The following POTEH variants were observed in gnomAD, a reference collection of about 807,000 sequenced individuals.
POTEH encodes the protein POTE ankyrin domain family member H.
A neutral mutation model predicts 41.7 loss-of-function variants in POTEH; 6 were observed. That is an observed-to-expected ratio of 0.14 (90% CI 0.08 to 0.28). The LOEUF is 0.28. Among genes scored for constraint, POTEH ranks in the 10% least tolerant of loss-of-function variants. The pLI, the probability that POTEH is intolerant of heterozygous loss-of-function variation, is 1.00. For synonymous variants in POTEH, 38 were observed against 179.9 expected, an observed-to-expected ratio of 0.21 and a Z score of 6.31; for missense variants, 115 against 533.5, an observed-to-expected ratio of 0.22 and a Z score of 7.73.
intron 1 of POTEH, among the ~76,000 whole-genome samples, chr22:15,691,867 G>A (rs1478191921): frequency 3.4e-5 from 5 of 148,710 alleles, no homozygotes; most frequent in Non-Finnish European, 7.5e-5. Context: ...TTCATTTTTG[G>A]AGAAAACTAG....
rs757124481 is a variant in POTEH at position 15,690,247 on chromosome 22, T to C, written c.170T>C (p.Leu57Pro). 1 of 1,409,020 alleles carries C rather than the reference T, an allele frequency of 7.1e-7. No individual in the cohort carries two copies. Among genetic ancestry groups the C allele is most frequent in the Non-Finnish European group, 9.8e-7 (1 of 1,020,364 alleles). The allele number at this position is 1,409,020 out of a possible 1,614,324, so 87.3% of individuals were successfully genotyped here. Residue 57 changes from leucine (L) to proline (P), a missense_variant, in exon 1 of 11, where the codon CTC becomes CCC. By Grantham distance (98) the Leu-to-Pro change is moderately conservative (BLOSUM62 -3). Coordinates refer to ENST00000343518, the MANE Select transcript of POTEH (RefSeq NM_001136213.1). ...CACGACGATTCTGCTATGAAGACAC[T>C]CAGGAGCAAGATGGGCAAGTGGTGC... ...GDHDDSAMKT[L>P]RSKMGKWCCH...
chr22:15,694,229 G>GT lies in POTEH; in HGVS notation c.633-1141dup, dbSNP rs1295144297. ...AAGAAGCAGGAAATAGAATGAACGG[G>GT]TACTGGGCTTAACACCTGGGTAATG... On this transcript the variant is annotated intron_variant, in intron 1 of 10. Transcript: ENST00000343518. Among the ~76,000 whole-genome samples, 4 of 81,740 alleles carry GT rather than the reference G, an allele frequency of 4.9e-5. 2 individuals carry two copies. The highest frequency in any genetic ancestry group is 3.0e-4 in the Admixed American group (2 of 6,614). The allele number at this position is 81,740 out of a possible 152,430, so 53.6% of individuals were successfully genotyped here.
rs201322170 is a variant in POTEH at position 15,690,174 on chromosome 22, G to T, written c.97G>T (p.Ala33Ser). The T allele has an allele frequency of 9.2e-6, 12 of 1,307,902 alleles. 1 individual carries two copies. The African/African-American group carries it at 1.3e-4, about 14-fold the overall frequency. 81.0% of individuals were successfully genotyped at this position (1,307,902 alleles called of 1,614,324 possible). ...GGGCAAGTGGTGCCGCCACTGCTTC[G>T]CCTGGTGCAGGGGGAGCGGCAAGAG... ...KMGKWCRHCF[A>S]WCRGSGKSNV... Residue 33 changes from alanine to serine, a missense_variant, in exon 1 of 11, where the codon GCC (alanine) becomes TCC (serine). Coordinates refer to ENST00000343518, the MANE Select transcript of POTEH (RefSeq NM_001136213.1).
Position 15,690,416 on chromosome 22 carries a change from C to G in POTEH, c.339C>G (p.Gly113=). 1 of 1,405,754 alleles carries G rather than the reference C, an allele frequency of 7.1e-7. No individual in the cohort carries two copies. Among genetic ancestry groups the G allele is most frequent in the Non-Finnish European group, 9.8e-7 (1 of 1,023,300 alleles). 87.1% of individuals were successfully genotyped at this position (1,405,754 alleles called of 1,614,324 possible). A position where few individuals can be genotyped will look rare whatever the true frequency, so the allele number is the denominator to read the frequency against. The stretch of plus-strand genomic sequence containing the variant: ...GCTTCCCCTGCTGCAGGGGGAGCGG[C>G]AAGAGCAACGTGGGCACTTCTGGAG... The part of the protein sequence containing the change: ...CHCFPCCRGS[G]KSNVGTSGDH... Residue 113 remains glycine (G), a synonymous_variant, in exon 1 of 11, where the codon GGC becomes GGG. Transcript: ENST00000343518.
At chr22:15,691,393 G>A (rs1466219775) in intron 1 of POTEH, among the ~76,000 whole-genome samples, 2 of 126,206 alleles carry the variant, frequency 1.6e-5, no homozygotes, top group Non-Finnish European at 3.6e-5. Context: ...GGACGCGGTG[G>A]CAGGCACCTG....
At chr22:15,713,504 A>AT (rs67813451) in intron 9 of POTEH, among the ~76,000 whole-genome samples, 5,453 of 75,876 alleles carry the variant, frequency 0.072, 1 homozygote, top group African/African-American at 0.13. Context: ...TTCTCATGAC[A>AT]TTTTTTTTTT....
intron 10 of POTEH, 85 bp downstream of exon 10, chr22:15,719,863 CAT>C (rs1200891780): frequency 8.6e-6 from 2 of 231,650 alleles, no homozygotes; most frequent in South Asian, 3.2e-5. Context: ...ATTTTTAAGT[CAT>C]ATATATGTGT....
chr22:15,705,353 C>CTGTGT (rs1989643572), intron 6 of POTEH, among the ~76,000 whole-genome samples: 2 of 14,298 alleles, frequency 1.4e-4, no homozygotes, highest in Non-Finnish European at 2.5e-4. Flanking sequence ...ATATGTTGGC[C>CTGTGT]TTTTTTTTTT....
At chr22:15,714,104 C>A (rs1478763254) in intron 9 of POTEH, among the ~76,000 whole-genome samples, 2 of 151,438 alleles carry the variant, frequency 1.3e-5, no homozygotes, top group African/African-American at 4.9e-5. Flanking sequence ...CTAGACTCAT[C>A]TTTCTCTCTC....
chr22:15,708,695 C>T (rs1989735687), intron 7 of POTEH, among the ~76,000 whole-genome samples: 1 of 122,452 alleles, frequency 8.2e-6, no homozygotes, highest in South Asian at 3.1e-4. Flanking sequence ...TATCTGCCTT[C>T]TTGATTAGCT....
At chr22:15,691,985 C>CAT (rs142856307) in intron 1 of POTEH, among the ~76,000 whole-genome samples, 3,500 of 124,038 alleles carry the variant, frequency 0.028, 150 homozygotes, top group East Asian at 0.044. Context: ...TATGCAGATA[C>CAT]ATATATATAT....
chr22:15,712,580 G>T (rs1311067182), intron 9 of POTEH, among the ~76,000 whole-genome samples: 2 of 23,084 alleles, frequency 8.7e-5, no homozygotes, highest in Non-Finnish European at 1.7e-4. Flanking sequence ...ACTCTTATAT[G>T]TAAAAGTGTC....
chr22:15,708,184 T>C lies in POTEH; in HGVS notation c.1308+94T>C, dbSNP rs988368. 619 of 402,258 alleles carry C rather than the reference T, an allele frequency of 1.5e-3. 51 individuals are homozygous for C. In the East Asian group the frequency reaches 0.023, roughly 15 times the overall value. The allele number at this position is 402,258 out of a possible 1,614,324, so 24.9% of individuals were successfully genotyped here. ...TATTAGATAGTCCAAATGAAATTACTTTTGAGACTAGGCTTTGAGAATCAA... is the reference window on the plus strand; with the variant it reads ...TATTAGATAGTCCAAATGAAATTACCTTTGAGACTAGGCTTTGAGAATCAA... On this transcript the variant is annotated intron_variant, in intron 7 of 10. Coordinates refer to ENST00000343518, the MANE Select transcript of POTEH (RefSeq NM_001136213.1).
intron 7 of POTEH, among the ~76,000 whole-genome samples, chr22:15,708,512 TCAAAAA>T (rs1236563752): frequency 6.1e-5 from 1 of 16,424 alleles, no homozygotes; most frequent in Admixed American, 8.6e-4. Context: ...AGACTCTGTG[TCAAAAA>T]AAAAAAAAAA....
intron 9 of POTEH, among the ~76,000 whole-genome samples, chr22:15,711,396 C>T (rs1233109208): frequency 6.6e-6 from 1 of 151,790 alleles, no homozygotes; most frequent in South Asian, 2.1e-4. Flanking sequence ...TCGTCTCCCT[C>T]CTGCCACTCT....
At chr22:15,699,867 C>T (rs1447317845) in intron 4 of POTEH, 2 of 1,174,728 alleles carry the variant, frequency 1.7e-6, no homozygotes, top group African/African-American at 3.3e-5. Flanking sequence ...CAATACCCCA[C>T]TGAGATAAGA....
intron 1 of POTEH, among the ~76,000 whole-genome samples, chr22:15,692,115 C>T (rs1291098205): frequency 7.6e-6 from 1 of 130,844 alleles, no homozygotes; most frequent in Admixed American, 8.0e-5. Flanking sequence ...AAGCAATTCT[C>T]TGCTTCAGCC....
intron 1 of POTEH, among the ~76,000 whole-genome samples, chr22:15,691,351 G>A (rs1458241570): frequency 3.9e-5 from 5 of 128,432 alleles, no homozygotes; most frequent in African/African-American, 8.3e-5. Context: ...GTGAAACCCC[G>A]TCTCTACTAA....
intron 6 of POTEH, among the ~76,000 whole-genome samples, chr22:15,703,663 G>T (rs1989607997): frequency 6.7e-6 from 1 of 149,212 alleles, no homozygotes. Flanking sequence ...AAAAATGCTA[G>T]TATGCTACCT....
Sources: gnomAD v4.1 joint callset for allele counts (sites outside exome capture counted in the v4.1 genomes callset) on GRCh38, gnomAD v4.1.1 for gene constraint, MANE v1.5 for transcripts, NCBI Gene and HGNC (gene_info 2026-07-23, HGNC 2026-07-21) for gene names.